Variants in HOXB6 observed in about 807,000 individuals in gnomAD.
The protein encoded by HOXB6 is homeobox B6, also known as homeobox protein Hox-B6.
A neutral mutation model predicts 24.2 loss-of-function variants in HOXB6; 18 were observed. The observed-to-expected ratio is 0.74, with a 90% confidence interval of 0.51 to 1.10. The LOEUF (loss-of-function observed/expected upper bound fraction) is 1.10. Among genes scored for constraint, HOXB6 ranks in the 50% least tolerant of loss-of-function variants. HOXB6 has a pLI of 0.00. For missense variants in HOXB6, 332 were observed against 308.3 expected, an observed-to-expected ratio of 1.08 and a Z score of -0.58; for synonymous variants, 159 against 139.1, an observed-to-expected ratio of 1.14 and a Z score of -1.01.
rs2070308572 is a variant in HOXB6 at position 48,596,717 on chromosome 17, C to A, written c.416-45G>T. ...TGCTGAGGCCTGCGGTCACCGGGCCCAGGACCCCCTCCCCTAGTCGACCCT... is the reference window on the plus strand; with the variant it reads ...TGCTGAGGCCTGCGGTCACCGGGCCAAGGACCCCCTCCCCTAGTCGACCCT... On this transcript the variant is annotated intron_variant, in intron 3 of 3. Transcript: ENST00000225648. This position sits in a 1 kb window ranked among gnomAD's most constrained non-coding sequence, Gnocchi z 4.8. 1 of 1,604,508 alleles carries A rather than the reference C, an allele frequency of 6.2e-7. No individual in the cohort carries two copies. The highest frequency in any genetic ancestry group is 1.3e-5 in the African/African-American group (1 of 75,038).
Position 48,596,107 on chromosome 17 carries a change from C to T in HOXB6, c.*306G>A. The T allele has an allele frequency of 1.7e-6, 1 of 590,970 alleles. No homozygotes were observed. The highest frequency in any genetic ancestry group is 3.8e-5 in the East Asian group (1 of 26,466). 36.6% of individuals were successfully genotyped at this position (590,970 alleles called of 1,614,324 possible). On this transcript the variant is annotated 3_prime_UTR_variant, in exon 4 of 4. Coordinates refer to ENST00000225648, the MANE Select transcript of HOXB6 (RefSeq NM_018952.5). This position sits in a 1 kb window ranked among gnomAD's most constrained non-coding sequence, Gnocchi z 4.8. ...ACAGGGACAAGAGCATTTTGCTCTG[C>T]TTCCAGGAAACATCAAGTGAGTCCG...
chr17:48,597,007 C>A, intron 3 of HOXB6: 1 of 1,199,372 alleles, frequency 8.3e-7, no homozygotes, highest in Non-Finnish European at 1.1e-6. Flanking sequence ...CCCCGTCATC[C>A]CCCCAACCCA....
intron 2 of HOXB6, among the ~76,000 whole-genome samples, chr17:48,599,992 G>A (rs761158552): frequency 1.3e-5 from 2 of 152,150 alleles, no homozygotes; most frequent in African/African-American, 2.4e-5. Flanking sequence ...TAAACTCAGG[G>A]CAACTTCTTG....
chr17:48,600,841 C>G (rs1021038085), intron 2 of HOXB6, among the ~76,000 whole-genome samples: 2 of 152,192 alleles, frequency 1.3e-5, no homozygotes, highest in Admixed American at 6.5e-5. Flanking sequence ...AGATACCCCA[C>G]AGGCAGGATT....
At chr17:48,599,618 C>A (rs116630694) in intron 2 of HOXB6, among the ~76,000 whole-genome samples, 99 of 152,308 alleles carry the variant, frequency 6.5e-4, no homozygotes, top group Middle Eastern at 3.4e-3. Context: ...TGCCGCCTTA[C>A]AAATTTAGGT....
chr17:48,596,549 G>C lies in HOXB6; in HGVS notation c.539C>G (p.Ala180Gly), dbSNP rs1228540522. ...YLTRRRRIEI[A>G]HALCLTERQI... Reference sequence around the variant, plus strand: ...CCTCTCCGTCAGGCACAGGGCGTGCGCGATCTCGATGCGCCGCCGCCGCGT... The same window carrying C: ...CCTCTCCGTCAGGCACAGGGCGTGCCCGATCTCGATGCGCCGCCGCCGCGT... Residue 180 changes from alanine to glycine, a missense_variant, in exon 4 of 4, where the codon GCG (alanine) becomes GGG (glycine). Ala to Gly is a moderately conservative substitution (Grantham distance 60, BLOSUM62 0). Transcript: ENST00000225648. The surrounding 1 kb of genome is among the most constrained non-coding windows in gnomAD (Gnocchi z 4.8). The C allele has an allele frequency of 1.9e-6, 3 of 1,614,254 alleles. No homozygotes were observed. Among genetic ancestry groups the C allele is most frequent in the East Asian group, 4.5e-5 (2 of 44,890 alleles).
At chr17:48,601,508 C>G (rs2144976337) in intron 2 of HOXB6, 2 of 152,864 alleles carry the variant, frequency 1.3e-5, no homozygotes, top group East Asian at 3.9e-4. Context: ...TTTGGATTGC[C>G]CAAAAGCAAA....
At position 48,597,942 on chromosome 17, in the gene HOXB6, G is replaced by C; in HGVS notation, c.209C>G (p.Ala70Gly). 5 of 1,571,212 alleles carry C rather than the reference G, an allele frequency of 3.2e-6. No homozygotes were observed. The highest frequency in any genetic ancestry group is 3.5e-6 in the Non-Finnish European group (4 of 1,158,790). Residue 70 changes from alanine (A) to glycine (G), a missense_variant, in exon 3 of 4, where the codon GCG becomes GGG. Physicochemically the swap from Ala to Gly is moderately conservative, Grantham distance 60. Coordinates refer to ENST00000225648, the MANE Select transcript of HOXB6 (RefSeq NM_018952.5). The stretch of plus-strand genomic sequence containing the variant: ...CGGCGCCGGCCCGTAGTCGCAGGGC[G>C]CCGCTCGGCCGTAGCCACCGCCCGC... Reference protein sequence around the residue: ...PPAGGGYGRAAPCDYGPAPAF... With the variant: ...PPAGGGYGRAGPCDYGPAPAF...
chr17:48,601,948 C>G (rs947457642), intron 2 of HOXB6: 1 of 381,584 alleles, frequency 2.6e-6, no homozygotes, highest in African/African-American at 2.1e-5. Flanking sequence ...CCTGGCCACC[C>G]CCTCTTGGGA....
intron 2 of HOXB6, among the ~76,000 whole-genome samples, chr17:48,602,973 G>A (rs991222952): frequency 2.6e-5 from 4 of 152,192 alleles, no homozygotes; most frequent in Admixed American, 1.3e-4. Flanking sequence ...CTGAACCTAG[G>A]GCATCTACCT....
chr17:48,600,227 C>T (rs2070426329), intron 2 of HOXB6, among the ~76,000 whole-genome samples: 1 of 152,106 alleles, frequency 6.6e-6, no homozygotes. Context: ...CTGCATGCAC[C>T]TCCCTGCCTA....
At chr17:48,601,936 G>C in intron 2 of HOXB6, 2 of 379,352 alleles carry the variant, frequency 5.3e-6, no homozygotes, top group Admixed American at 6.3e-5. Flanking sequence ...GCATAGCCTA[G>C]CCCTGGCCAC....
Position 48,596,891 on chromosome 17 carries a change from A to C in HOXB6, c.416-219T>G, listed in dbSNP as rs2070313397. 2 of 1,268,726 alleles carry C rather than the reference A, an allele frequency of 1.6e-6. No homozygotes were observed. The highest frequency in any genetic ancestry group is 5.7e-5 in the Admixed American group (2 of 35,246). 78.6% of individuals were successfully genotyped at this position (1,268,726 alleles called of 1,614,324 possible). A position where few individuals can be genotyped will look rare whatever the true frequency, so the allele number is the denominator to read the frequency against. On this transcript the variant is annotated intron_variant, in intron 3 of 3. Coordinates refer to ENST00000225648, the MANE Select transcript of HOXB6 (RefSeq NM_018952.5). This position sits in a 1 kb window ranked among gnomAD's most constrained non-coding sequence, Gnocchi z 4.8. ...TAGACTCTAGATGGGGGAGGGGAGG[A>C]GCAGTTTGAACTCCCACCTGAGCCT...
At chr17:48,598,270 G>T in intron 2 of HOXB6, 42 bp from the exon 3 acceptor site, 1 of 1,056,540 alleles carries the variant, frequency 9.5e-7, no homozygotes, top group Non-Finnish European at 1.3e-6. Flanking sequence ...GCTGAGGGGG[G>T]ATGGCGAGGT....
At chr17:48,601,836 A>G (rs1022618080) in intron 2 of HOXB6, 3 of 242,012 alleles carry the variant, frequency 1.2e-5, no homozygotes, top group Admixed American at 9.9e-5. Flanking sequence ...CTTTAAAGGA[A>G]CTGCCAGAGC....
Position 48,598,362 on chromosome 17 carries a change from A to G in HOXB6, c.-78-134T>C, listed in dbSNP as rs574057590. On this transcript the variant is annotated intron_variant, in intron 2 of 3. Transcript: ENST00000225648. Reference sequence around the variant, plus strand: ...AGGCAGGAATTGTCAAATAGCACCCAGGAGGAGCGCAGCCCGCACGAGGGA... The same window carrying G: ...AGGCAGGAATTGTCAAATAGCACCCGGGAGGAGCGCAGCCCGCACGAGGGA... The G allele has an allele frequency of 1.1e-4, 61 of 536,280 alleles. 1 individual carries two copies. The highest frequency in any genetic ancestry group is 3.8e-5 in the African/African-American group (2 of 52,092). 33.2% of individuals were successfully genotyped at this position (536,280 alleles called of 1,614,324 possible). A position where few individuals can be genotyped will look rare whatever the true frequency, so the allele number is the denominator to read the frequency against.
At chr17:48,597,330 C>T (rs1468346738) in intron 3 of HOXB6, among the ~76,000 whole-genome samples, 1 of 152,168 alleles carries the variant, frequency 6.6e-6, no homozygotes, top group African/African-American at 2.4e-5. Flanking sequence ...CACCCCCTAC[C>T]CCCTTGCATG....
At chr17:48,603,045 G>A (rs753069924) in intron 2 of HOXB6, among the ~76,000 whole-genome samples, 2 of 152,218 alleles carry the variant, frequency 1.3e-5, no homozygotes, top group Admixed American at 6.5e-5. Flanking sequence ...CCTAGCTTAG[G>A]ACTGAGATAA....
chr17:48,601,818 C>G (rs2070471605), intron 2 of HOXB6: 1 of 213,140 alleles, frequency 4.7e-6, no homozygotes, highest in African/African-American at 2.3e-5. Flanking sequence ...GAACGGGGAC[C>G]ACAGCACCTT....
Sources: gnomAD v4.1 joint callset for allele counts (sites outside exome capture counted in the v4.1 genomes callset) on GRCh38, gnomAD v4.1.1 for gene constraint, Gnocchi (gnomAD v3.1) non-coding constraint, MANE v1.5 for transcripts, NCBI Gene and HGNC (gene_info 2026-07-23, HGNC 2026-07-21) for gene names.